Variants in VPS8 observed in about 807,000 individuals in gnomAD.
VPS8 encodes VPS8 subunit of CORVET complex.
A neutral mutation model predicts 216.4 loss-of-function variants in VPS8; 129 were observed. That is an observed-to-expected ratio of 0.60 (90% confidence interval 0.52 to 0.69). VPS8 has a LOEUF of 0.69. VPS8 is among the 30% of genes least tolerant of loss of function. The probability of loss-of-function intolerance (pLI) is 0.00; values close to 1 mark genes in which losing one functional copy is unlikely to be tolerated. For missense variants in VPS8, 1,531 were observed against 1,683.5 expected, an observed-to-expected ratio of 0.91 and a Z score of 1.59; for synonymous variants, 571 against 565.4, an observed-to-expected ratio of 1.01 and a Z score of -0.14.
intron 45 of VPS8, 72 bp from the exon 46 acceptor site, chr3:185,024,264 A>G: frequency 7.5e-7 from 1 of 1,332,682 alleles, no homozygotes; most frequent in South Asian, 1.3e-5. Flanking sequence ...TAGTTGAATT[A>G]TTTTGAATGT....
intron 45 of VPS8, among the ~76,000 whole-genome samples, chr3:185,003,561 A>G (rs1450557928): frequency 6.6e-6 from 1 of 151,232 alleles, no homozygotes; most frequent in Non-Finnish European, 1.5e-5. Context: ...TTCTTTCTAC[A>G]CAGACACAGC....
At chr3:185,044,035 C>T (rs1274006022) in intron 46 of VPS8, among the ~76,000 whole-genome samples, 1 of 152,064 alleles carries the variant, frequency 6.6e-6, no homozygotes, top group Non-Finnish European at 1.5e-5. Flanking sequence ...ACTAAAAATA[C>T]AAAAATTAGC....
At chr3:184,926,482 A>T (rs1578276639) in intron 30 of VPS8, 112 bp from the exon 31 acceptor site, 1 of 1,046,472 alleles carries the variant, frequency 9.6e-7, no homozygotes, top group Non-Finnish European at 1.4e-6. Context: ...GGTATTTGTT[A>T]TGTCTGGGTG....
intron 44 of VPS8, among the ~76,000 whole-genome samples, chr3:184,998,007 G>A (rs2109883573): frequency 6.6e-6 from 1 of 152,254 alleles, no homozygotes; most frequent in African/African-American, 2.4e-5. Flanking sequence ...GAGACCATGA[G>A]GCGGGAGAGC....
chr3:184,901,767 T>G (rs1734528576), intron 25 of VPS8, among the ~76,000 whole-genome samples: 1 of 152,172 alleles, frequency 6.6e-6, no homozygotes, highest in Non-Finnish European at 1.5e-5. Context: ...GTAAGTTTCT[T>G]TGTGGACAAA....
chr3:184,920,118 C>G lies in VPS8; in HGVS notation c.2383-9C>G, dbSNP rs1426305196. ...TAATTACTTTAAAAAATTTATTTCT[C>G]CCTTTTAGACTTTTGAAGATTTTAA... is the stretch of plus-strand genomic sequence containing the variant. On this transcript the variant is annotated splice_polypyrimidine_tract_variant and intron_variant, in intron 28 of 47. Coordinates refer to ENST00000625842, the MANE Select transcript of VPS8 (RefSeq NM_001009921.3). The G allele has an allele frequency of 2.0e-6, 3 of 1,502,572 alleles. No homozygotes were observed. The South Asian group carries it at 4.0e-5, about 20-fold the overall frequency. The allele number at this position is 1,502,572 out of a possible 1,614,324, so 93.1% of individuals were successfully genotyped here. A position where few individuals can be genotyped will look rare whatever the true frequency, so the allele number is the denominator to read the frequency against.
chr3:184,853,768 G>GTAGGAGC, intron 11 of VPS8, 89 bp from the exon 12 acceptor site: 1 of 1,362,130 alleles, frequency 7.3e-7, no homozygotes. Flanking sequence ...GAGGTAGGAG[G>GTAGGAGC]TAGGAGGCTA....
chr3:184,976,126 A>T (rs559194371), intron 40 of VPS8, among the ~76,000 whole-genome samples: 1 of 152,250 alleles, frequency 6.6e-6, no homozygotes, highest in East Asian at 1.9e-4. Context: ...TTTTTATGAT[A>T]TGTATGATGC....
intron 43 of VPS8, 138 bp from the exon 44 acceptor site, chr3:184,996,194 T>C (rs1327220519): frequency 3.9e-6 from 4 of 1,036,438 alleles, no homozygotes; most frequent in Non-Finnish European, 5.3e-6. Context: ...GTTTCAACAA[T>C]GTTATCCCTT....
chr3:184,825,036 G>A (rs543188362), intron 2 of VPS8: 8 of 422,388 alleles, frequency 1.9e-5, no homozygotes, highest in Admixed American at 1.0e-4. Context: ...CTCCCAAGTA[G>A]CTGGGACCAC....
intron 40 of VPS8, among the ~76,000 whole-genome samples, chr3:184,981,532 C>G (rs1431836607): frequency 1.3e-5 from 2 of 148,258 alleles, no homozygotes; most frequent in African/African-American, 2.5e-5. Context: ...CTCCCAGGTA[C>G]AAGCGATTCT....
chr3:184,939,259 G>A (rs1164308809), intron 35 of VPS8, among the ~76,000 whole-genome samples: 3 of 151,912 alleles, frequency 2.0e-5, no homozygotes, highest in Non-Finnish European at 4.4e-5. Flanking sequence ...AGAAAGTCAT[G>A]TAAAATAACA....
chr3:184,982,308 CTT>C (rs1750342341), intron 40 of VPS8: 3 of 446,504 alleles, frequency 6.7e-6, no homozygotes, highest in African/African-American at 2.0e-5. Context: ...CCTAGACTTA[CTT>C]AACAGTGGCC....
chr3:184,980,958 G>A (rs1339975521), intron 40 of VPS8, among the ~76,000 whole-genome samples: 1 of 152,138 alleles, frequency 6.6e-6, no homozygotes, highest in East Asian at 1.9e-4. Flanking sequence ...AATATTTGAA[G>A]TTGCTGTACT....
At chr3:184,816,478 A>C (rs1716349522) in intron 1 of VPS8, among the ~76,000 whole-genome samples, 1 of 152,194 alleles carries the variant, frequency 6.6e-6, no homozygotes, top group Non-Finnish European at 1.5e-5. Context: ...AGAGAAACAG[A>C]GGGTTGGGCT....
At chr3:185,002,191 T>C (rs1352552237) in intron 45 of VPS8, among the ~76,000 whole-genome samples, 2 of 152,220 alleles carry the variant, frequency 1.3e-5, no homozygotes, top group Admixed American at 1.3e-4. Flanking sequence ...TATTTTTTCA[T>C]TGGTAAGTGT....
At chr3:184,967,608 C>G (rs1207584732) in intron 39 of VPS8, among the ~76,000 whole-genome samples, 4 of 152,064 alleles carry the variant, frequency 2.6e-5, no homozygotes, top group African/African-American at 9.7e-5. Flanking sequence ...GAGGCCGAGG[C>G]AGGTGGATCA....
chr3:184,867,652 C>G (rs941842504), intron 17 of VPS8, among the ~76,000 whole-genome samples: 9 of 152,164 alleles, frequency 5.9e-5, no homozygotes, highest in African/African-American at 1.9e-4. Context: ...TCAAGACCAG[C>G]CTGGCCAACA....
intron 45 of VPS8, among the ~76,000 whole-genome samples, chr3:185,014,176 G>T (rs999280773): frequency 6.6e-6 from 1 of 152,164 alleles, no homozygotes; most frequent in Non-Finnish European, 1.5e-5. Flanking sequence ...CACGGCAATG[G>T]TAATCACCAC....
Sources: allele counts gnomAD v4.1 joint callset (sites outside exome capture counted in the v4.1 genomes callset), GRCh38; gene constraint gnomAD v4.1.1; transcripts MANE v1.5; gene names NCBI Gene and HGNC (gene_info 2026-07-23, HGNC 2026-07-21).